The following XNDC1N variants were observed in gnomAD, a reference collection of about 807,000 sequenced individuals.
XNDC1N encodes protein XNDC1N.
chr11:71,905,334 C>T, the XNDC1N span, among the ~76,000 whole-genome samples: 1 of 151,756 alleles, frequency 6.6e-6, no homozygotes, highest in Non-Finnish European at 1.5e-5. Context: ...CCTAGGATAA[C>T]CCATGTGATA....
the XNDC1N span, chr11:71,914,546 G>A: frequency 2.8e-6 from 1 of 356,836 alleles, no homozygotes; most frequent in African/African-American, 2.1e-5. Context: ...AATTAGCCAG[G>A]TGTGGTGCTG....
the XNDC1N span, among the ~76,000 whole-genome samples, chr11:71,871,814 C>G: frequency 6.6e-6 from 1 of 152,172 alleles, no homozygotes; most frequent in Admixed American, 6.5e-5. Context: ...CAATGAGAAG[C>G]CACTTAACAC....
the XNDC1N span, chr11:71,904,061 A>G: frequency 1.9e-6 from 1 of 522,780 alleles, no homozygotes; most frequent in Non-Finnish European, 3.8e-6. Flanking sequence ...CCCTTCATCT[A>G]CAGCCTGAGA....
chr11:71,912,715 C>A, the XNDC1N span, among the ~76,000 whole-genome samples: 2 of 152,146 alleles, frequency 1.3e-5, no homozygotes, highest in Admixed American at 1.3e-4. Context: ...ATATCATCCT[C>A]TTTCCCCCTG....
chr11:71,905,626 A>G, the XNDC1N span, among the ~76,000 whole-genome samples: 102 of 152,148 alleles, frequency 6.7e-4, no homozygotes, highest in African/African-American at 2.1e-3. Flanking sequence ...GATATAAGCT[A>G]TCACATCACA....
chr11:71,885,785 A>C, the XNDC1N span, among the ~76,000 whole-genome samples: 1 of 151,926 alleles, frequency 6.6e-6, no homozygotes, highest in Non-Finnish European at 1.5e-5. Flanking sequence ...TATTAATATT[A>C]ATATTAATTC....
chr11:71,888,835 A>G, the XNDC1N span, among the ~76,000 whole-genome samples: 1 of 152,232 alleles, frequency 6.6e-6, no homozygotes, highest in Non-Finnish European at 1.5e-5. Context: ...ATCCCCGTAT[A>G]ACCATTGAAG....
At chr11:71,909,892 G>T in the XNDC1N span, among the ~76,000 whole-genome samples, 1 of 152,176 alleles carries the variant, frequency 6.6e-6, no homozygotes, top group African/African-American at 2.4e-5. Flanking sequence ...CGGAATGGGA[G>T]TCATTATGAC....
the XNDC1N span, chr11:71,928,395 T>G: frequency 1.5e-6 from 1 of 689,528 alleles, no homozygotes; most frequent in East Asian, 2.7e-5. Context: ...GAGCCACCGT[T>G]GCCTCGGATC....
At chr11:71,886,452 A>G in the XNDC1N span, among the ~76,000 whole-genome samples, 1 of 152,312 alleles carries the variant, frequency 6.6e-6, no homozygotes, top group Middle Eastern at 3.4e-3. Context: ...AAGAGAGGAT[A>G]TGCAAAGGCT....
chr11:71,919,270 C>T, the XNDC1N span, among the ~76,000 whole-genome samples: 7 of 152,146 alleles, frequency 4.6e-5, no homozygotes, highest in Non-Finnish European at 7.3e-5. Flanking sequence ...TAGGTGGTTA[C>T]TATTATTACT....
chr11:71,922,751 G>GGAT, the XNDC1N span, among the ~76,000 whole-genome samples: 5 of 152,308 alleles, frequency 3.3e-5, no homozygotes, highest in East Asian at 7.7e-4. Flanking sequence ...CACCCCTTGA[G>GGAT]AAAGACCAGG....
At chr11:71,917,858 C>CCTTTACTTTACAGCTAGCTG in the XNDC1N span, 6 of 660,566 alleles carry the variant, frequency 9.1e-6, no homozygotes, top group Non-Finnish European at 1.4e-5. Context: ...GGACACTCCT[C>CCTTTACTTTACAGCTAGCTG]TACTTTACAG....
chr11:71,869,114 C>T, the XNDC1N span, among the ~76,000 whole-genome samples: 3 of 152,090 alleles, frequency 2.0e-5, no homozygotes, highest in Non-Finnish European at 4.4e-5. Flanking sequence ...AGGTTTGTTA[C>T]ATATGTATAC....
chr11:71,887,960 C>T, the XNDC1N span, among the ~76,000 whole-genome samples: 2 of 152,290 alleles, frequency 1.3e-5, no homozygotes, highest in Non-Finnish European at 2.9e-5. Flanking sequence ...TGTCACTACT[C>T]AGTACACTTG....
At chr11:71,911,150 A>C in the XNDC1N span, among the ~76,000 whole-genome samples, 1 of 152,236 alleles carries the variant, frequency 6.6e-6, no homozygotes, top group Non-Finnish European at 1.5e-5. Context: ...TACAAGAAGC[A>C]AATAAGTTGA....
chr11:71,870,102 A>T, the XNDC1N span, among the ~76,000 whole-genome samples: 1 of 152,214 alleles, frequency 6.6e-6, no homozygotes, highest in Admixed American at 6.5e-5. Context: ...AAATCATCAG[A>T]TCTCATGAGA....
chr11:71,915,516 C>T, the XNDC1N span, among the ~76,000 whole-genome samples: 1 of 151,904 alleles, frequency 6.6e-6, no homozygotes, highest in East Asian at 1.9e-4. Flanking sequence ...CTTATATACA[C>T]TGAAAAACCA....
the XNDC1N span, among the ~76,000 whole-genome samples, chr11:71,885,946 A>C: frequency 6.6e-6 from 1 of 151,908 alleles, no homozygotes; most frequent in African/African-American, 2.4e-5. Context: ...TGATTTTTAA[A>C]AATATTATGG....
Sources: allele counts gnomAD v4.1 joint callset (sites outside exome capture counted in the v4.1 genomes callset), GRCh38; gene constraint gnomAD v4.1.1; transcripts MANE v1.5; gene names NCBI Gene and HGNC (gene_info 2026-07-23, HGNC 2026-07-21).